Variants in SLC13A1 observed in about 807,000 individuals in gnomAD.
SLC13A1 encodes solute carrier family 13 member 1, also known as Na(+)/sulfate cotransporter.
In SLC13A1, 65 loss-of-function variants were observed where a neutral mutation model predicts 70.0. The ratio of observed to expected loss-of-function variants is 0.93; its 90% CI spans 0.76 to 1.14. SLC13A1 has a LOEUF of 1.14. Ranked by LOEUF, SLC13A1 falls within the 50% of genes most tolerant of loss-of-function variation. The probability of loss-of-function intolerance (pLI) is 0.00; values close to 1 mark genes in which losing one functional copy is unlikely to be tolerated. For synonymous variants in SLC13A1, 275 were observed against 250.5 expected, an observed-to-expected ratio of 1.10 and a Z score of -0.92; for missense variants, 726 against 717.8, an observed-to-expected ratio of 1.01 and a Z score of -0.13.
At chr7:123,145,183 A>G (rs1794308312) in intron 7 of SLC13A1, among the ~76,000 whole-genome samples, 1 of 152,170 alleles carries the variant, frequency 6.6e-6, no homozygotes, top group Admixed American at 6.5e-5. Context: ...CCTCTGCTAG[A>G]GCCACATGTG....
intron 14 of SLC13A1, 125 bp from the exon 15 acceptor site, chr7:123,115,780 T>G: frequency 1.0e-6 from 1 of 970,668 alleles, no homozygotes; most frequent in Non-Finnish European, 1.5e-6. Context: ...AATTGTCATT[T>G]TTTAAATTAT....
At chr7:123,167,020 C>A (rs980518693) in intron 6 of SLC13A1, among the ~76,000 whole-genome samples, 9 of 151,546 alleles carry the variant, frequency 5.9e-5, no homozygotes, top group Non-Finnish European at 1.3e-4. Flanking sequence ...GTTAGAATGG[C>A]GATCATTAAA....
chr7:123,198,523 T>A (rs1395908496), intron 1 of SLC13A1, among the ~76,000 whole-genome samples: 1 of 152,010 alleles, frequency 6.6e-6, no homozygotes, highest in East Asian at 1.9e-4. Flanking sequence ...AAGCCAAGAA[T>A]GCTGCAGCTA....
chr7:123,175,551 C>T (rs1795418813), intron 2 of SLC13A1, among the ~76,000 whole-genome samples: 1 of 152,062 alleles, frequency 6.6e-6, no homozygotes. Context: ...CCTGAGAGAG[C>T]TCCCTTGCCC....
At chr7:123,122,103 G>C (rs1386387588) in intron 12 of SLC13A1, among the ~76,000 whole-genome samples, 1 of 152,090 alleles carries the variant, frequency 6.6e-6, no homozygotes, top group Non-Finnish European at 1.5e-5. Flanking sequence ...GCTAGGGTCT[G>C]GCTGATGCTT....
At position 123,175,932 on chromosome 7, in the gene SLC13A1, T is replaced by C. The variant is rs116168269; in HGVS notation, c.229-4028A>G. ...GGTTATATGAGGAGTTAGCATATTGTAGAGGGCCAAGCAGTAAATATTCTA... is the reference window on the plus strand; with the variant it reads ...GGTTATATGAGGAGTTAGCATATTGCAGAGGGCCAAGCAGTAAATATTCTA... On this transcript the variant is annotated intron_variant, in intron 2 of 14. Coordinates refer to ENST00000194130, the MANE Select transcript of SLC13A1 (RefSeq NM_022444.4). 2.6e-3 allele frequency among the ~76,000 whole-genome samples: 392 copies of C among 152,314 alleles called. 4 individuals carry two copies. Among genetic ancestry groups the C allele is most frequent in the African/African-American group, 8.9e-3 (372 of 41,574 alleles).
At chr7:123,154,944 C>T (rs939289571) in intron 6 of SLC13A1, among the ~76,000 whole-genome samples, 3 of 152,094 alleles carry the variant, frequency 2.0e-5, no homozygotes, top group Non-Finnish European at 2.9e-5. Context: ...ATAAATGTTA[C>T]TTAGAATTTT....
At position 123,171,699 on chromosome 7, in the gene SLC13A1, T is replaced by C. The variant is rs1795277572; in HGVS notation, c.365+69A>G. ...ATTTCCTGGGCGTGAATTACTTATT[T>C]GATTATTTGCTCTGCACAAAAATGG... On this transcript the variant is annotated intron_variant, in intron 3 of 14. Coordinates refer to ENST00000194130, the MANE Select transcript of SLC13A1 (RefSeq NM_022444.4). The C allele has an allele frequency of 6.7e-6, 10 of 1,481,662 alleles. 1 individual carries two copies. The South Asian group carries it at 9.6e-5, about 14-fold the overall frequency. The allele number at this position is 1,481,662 out of a possible 1,614,324, so 91.8% of individuals were successfully genotyped here. A position where few individuals can be genotyped will look rare whatever the true frequency, so the allele number is the denominator to read the frequency against.
chr7:123,123,411 A>G (rs140902610), intron 11 of SLC13A1, among the ~76,000 whole-genome samples, 176 bp from the exon 12 acceptor site: 7 of 152,280 alleles, frequency 4.6e-5, no homozygotes, highest in Middle Eastern at 3.4e-3. Flanking sequence ...GGAACATTCT[A>G]CTATAAAAAA....
At chr7:123,149,437 A>G (rs915094980) in intron 6 of SLC13A1, 1 of 456,130 alleles carries the variant, frequency 2.2e-6, no homozygotes, top group Non-Finnish European at 4.4e-6. Context: ...CTTAACGTCT[A>G]TCTCACCTTG....
At chr7:123,184,349 T>C (rs933978646) in intron 1 of SLC13A1, among the ~76,000 whole-genome samples, 1 of 152,116 alleles carries the variant, frequency 6.6e-6, no homozygotes. Context: ...ACAGTCACCA[T>C]GTTGTACAAT....
intron 8 of SLC13A1, among the ~76,000 whole-genome samples, 183 bp downstream of exon 8, chr7:123,134,227 G>C (rs148949498): frequency 6.6e-6 from 1 of 152,062 alleles, no homozygotes; most frequent in Non-Finnish European, 1.5e-5. Context: ...TCCACAGCCA[G>C]TATTATTTAA....
chr7:123,142,686 T>G (rs1794199518), intron 7 of SLC13A1, among the ~76,000 whole-genome samples: 1 of 91,788 alleles, frequency 1.1e-5, no homozygotes, highest in Non-Finnish European at 2.2e-5. Context: ...AGCGCGATCT[T>G]GGCTCACCAC....
intron 7 of SLC13A1, among the ~76,000 whole-genome samples, chr7:123,140,755 A>C (rs1242141380): frequency 2.0e-5 from 3 of 152,056 alleles, no homozygotes; most frequent in African/African-American, 7.2e-5. Context: ...GAATTTCTGC[A>C]GTATCAGCTA....
intron 6 of SLC13A1, among the ~76,000 whole-genome samples, chr7:123,166,136 T>C (rs1795068313): frequency 6.6e-6 from 1 of 152,066 alleles, no homozygotes; most frequent in Admixed American, 6.6e-5. Context: ...ATGTCAGACA[T>C]ATTTTTATAA....
chr7:123,152,565 C>A (rs1002236024), intron 6 of SLC13A1, among the ~76,000 whole-genome samples: 123 of 152,104 alleles, frequency 8.1e-4, no homozygotes, highest in East Asian at 1.2e-3. Flanking sequence ...ATTAAAATAT[C>A]TTTTTGAAAA....
At chr7:123,171,723 G>C (rs777420931) in intron 3 of SLC13A1, 45 bp downstream of exon 3, 1 of 1,593,166 alleles carries the variant, frequency 6.3e-7, no homozygotes, top group Non-Finnish European at 8.6e-7. Flanking sequence ...GCACAAAAAT[G>C]GTCTGTTCAG....
chr7:123,194,103 G>T (rs1796091566), intron 1 of SLC13A1, among the ~76,000 whole-genome samples: 1 of 152,120 alleles, frequency 6.6e-6, no homozygotes, highest in African/African-American at 2.4e-5. Flanking sequence ...TATGCTCCAT[G>T]TTCTTGAGAT....
intron 7 of SLC13A1, among the ~76,000 whole-genome samples, chr7:123,138,273 T>C (rs950452237): frequency 2.6e-5 from 4 of 152,210 alleles, no homozygotes; most frequent in African/African-American, 9.6e-5. Flanking sequence ...TAAACAGTAT[T>C]CCATTGTGTA....
Sources: gnomAD v4.1 joint callset for allele counts (sites outside exome capture counted in the v4.1 genomes callset) on GRCh38, gnomAD v4.1.1 for gene constraint, MANE v1.5 for transcripts, NCBI Gene and HGNC (gene_info 2026-07-23, HGNC 2026-07-21) for gene names.